Variants in WASHC2A observed in about 807,000 individuals in gnomAD.
The protein encoded by WASHC2A is WASH complex subunit FAM21A.
A neutral mutation model predicts 140.3 loss-of-function variants in WASHC2A; 82 were observed. The ratio of observed to expected loss-of-function variants is 0.58; its 90% CI spans 0.49 to 0.70. WASHC2A has a LOEUF of 0.70. Among genes scored for constraint, WASHC2A ranks in the 30% least tolerant of loss-of-function variants. The pLI is 0.00. For synonymous variants in WASHC2A, 340 were observed against 560.8 expected, an observed-to-expected ratio of 0.61 and a Z score of 5.56; for missense variants, 985 against 1,521.8, an observed-to-expected ratio of 0.65 and a Z score of 5.87.
intron 3 of WASHC2A, among the ~76,000 whole-genome samples, chr10:50,071,524 C>T (rs1359568308): frequency 1.3e-5 from 2 of 152,056 alleles, no homozygotes; most frequent in East Asian, 3.9e-4. Context: ...CCAGGATGAT[C>T]TCGATCTCCT....
rs534203434 is a variant in WASHC2A, at chr10:50,117,660, G to A, written c.2143-246G>A. ...AAGGATCTGAGGGAGGGAGGCATGG[G>A]GGTTGACAGACACAAGTAGACAGAT... On this transcript the variant is annotated intron_variant, in intron 21 of 30. Transcript: ENST00000282633. Among the ~76,000 whole-genome samples, 230 of 142,202 alleles carry A rather than the reference G, an allele frequency of 1.6e-3. 1 individual carries two copies. The highest frequency in any genetic ancestry group is 5.2e-3 in the African/African-American group (211 of 40,400). 93.3% of individuals were successfully genotyped at this position (142,202 alleles called of 152,430 possible).
intron 30 of WASHC2A, 93 bp from the exon 31 acceptor site, chr10:50,132,713 A>G (rs1238647901): frequency 1.9e-6 from 3 of 1,611,198 alleles, no homozygotes; most frequent in Non-Finnish European, 2.5e-6. Flanking sequence ...TGCTGTTACC[A>G]GAGCTGGGTC....
intron 26 of WASHC2A, 75 bp downstream of exon 26, chr10:50,126,254 C>T: frequency 6.2e-7 from 1 of 1,610,156 alleles, no homozygotes; most frequent in Admixed American, 1.7e-5. Context: ...TGCAGACCCA[C>T]AGTTATTCAG....
chr10:50,116,017 G>C, intron 21 of WASHC2A, among the ~76,000 whole-genome samples: 1 of 146,202 alleles, frequency 6.8e-6, no homozygotes. Flanking sequence ...TAGGGAGGCT[G>C]GGGCAGGAGA....
At chr10:50,114,219 G>A (rs190088331) in intron 21 of WASHC2A, among the ~76,000 whole-genome samples, 5,713 of 92,898 alleles carry the variant, frequency 0.061, 1,455 homozygotes, top group African/African-American at 0.11. Context: ...ACAAGGAACT[G>A]GGTCTCAGAA....
At chr10:50,081,813 A>G (rs1216244904) in intron 5 of WASHC2A, among the ~76,000 whole-genome samples, 1 of 151,748 alleles carries the variant, frequency 6.6e-6, no homozygotes, top group Non-Finnish European at 1.5e-5. Flanking sequence ...TTGTATTTTT[A>G]GTATAGACAG....
chr10:50,124,810 A>AT (rs1369308503), intron 23 of WASHC2A, among the ~76,000 whole-genome samples: 1 of 151,458 alleles, frequency 6.6e-6, no homozygotes, highest in Non-Finnish European at 1.5e-5. Context: ...AAAAATTTAG[A>AT]TACTATACAA....
intron 17 of WASHC2A, among the ~76,000 whole-genome samples, chr10:50,103,723 A>G (rs1434439553): frequency 7.9e-5 from 12 of 152,124 alleles, no homozygotes; most frequent in African/African-American, 2.9e-4. Context: ...TTATATATTT[A>G]TTTTTTTAGC....
rs1163198763 is a variant in WASHC2A, at chr10:50,090,135, A to G, written c.733-641A>G. On this transcript the variant is annotated intron_variant, in intron 8 of 30. Transcript: ENST00000282633. ...CAAAAATAAATAAATAAATAAAAAT[A>G]TTTCTCTAGTAAGCCATTTTTGATA... Among the ~76,000 whole-genome samples the G allele has an allele frequency of 2.6e-3, 398 of 151,882 alleles. 4 individuals are homozygous for G. Among genetic ancestry groups the G allele is most frequent in the African/African-American group, 9.4e-3 (388 of 41,412 alleles).
intron 23 of WASHC2A, among the ~76,000 whole-genome samples, chr10:50,121,600 G>T (rs1843026389): frequency 6.7e-6 from 1 of 150,066 alleles, no homozygotes; most frequent in Non-Finnish European, 1.5e-5. Flanking sequence ...CACCGTGTTG[G>T]CCACGCTGAC....
chr10:50,095,812 G>T (rs1400177801), intron 15 of WASHC2A, 34 bp downstream of exon 15: 1 of 1,572,882 alleles, frequency 6.4e-7, no homozygotes. Context: ...TAGGACTTCA[G>T]CCAGAAAAAG....
At position 50,087,299 on chromosome 10, in the gene WASHC2A, C is replaced by T; in HGVS notation, c.709C>T (p.His237Tyr). ...GGAGTCAGATGAAGATTTTGCCCAT[C>T]ATAGTGACAATGAACAAAACCGGGT... ...EEESDEDFAH[H>Y]SDNEQNRHTT... Residue 237 changes from histidine to tyrosine, a missense_variant, in exon 8 of 31, where the codon CAT (histidine) becomes TAT (tyrosine). Physicochemically the swap from His to Tyr is moderately conservative, Grantham distance 83 (BLOSUM62 2). Transcript: ENST00000282633. 1 of 1,613,912 alleles carries T rather than the reference C, an allele frequency of 6.2e-7. No individual in the cohort carries two copies.
At chr10:50,100,314 T>A (rs1359154462) in intron 17 of WASHC2A, among the ~76,000 whole-genome samples, 1 of 151,662 alleles carries the variant, frequency 6.6e-6, no homozygotes, top group Non-Finnish European at 1.5e-5. Context: ...AAACCCAGTC[T>A]CTATTAAAAA....
intron 14 of WASHC2A, 90 bp downstream of exon 14, chr10:50,095,297 T>G: frequency 8.7e-7 from 1 of 1,152,890 alleles, no homozygotes; most frequent in Non-Finnish European, 1.2e-6. Flanking sequence ...TGGCTGGAGA[T>G]GAGGAAGTAC....
intron 23 of WASHC2A, among the ~76,000 whole-genome samples, chr10:50,124,604 G>T (rs1429030281): frequency 6.6e-6 from 1 of 152,162 alleles, no homozygotes; most frequent in Admixed American, 6.5e-5. Flanking sequence ...GCTTGTGGTC[G>T]CACCTGTGCC....
chr10:50,104,064 CGAGT>C lies in WASHC2A; in HGVS notation c.1659_1662del (p.Lys555Ter). 1 of 1,510,788 alleles carries C rather than the reference CGAGT, an allele frequency of 6.6e-7. No individual in the cohort carries two copies. The highest frequency in any genetic ancestry group is 1.1e-5 in the South Asian group (1 of 88,424). 93.6% of individuals were successfully genotyped at this position (1,510,788 alleles called of 1,614,324 possible). A position where few individuals can be genotyped will look rare whatever the true frequency, so the allele number is the denominator to read the frequency against. On this transcript the variant is annotated frameshift_variant, in exon 18 of 31. Coordinates refer to ENST00000282633, the MANE Select transcript of WASHC2A (RefSeq NM_001005751.3). LOFTEE classifies it high-confidence loss of function. ...CAGGATTTGTTTTCTTCTCAAAGTGCGAGTAAGTTAAAAGGTGCGTCTCTGCTGC... is the reference window on the plus strand; with the variant it reads ...CAGGATTTGTTTTCTTCTCAAAGTGCAAGTTAAAAGGTGCGTCTCTGCTGC...
chr10:50,069,651 T>C lies in WASHC2A; in HGVS notation c.231T>C (p.Cys77=), dbSNP rs1554875544. 6 of 1,614,024 alleles carry C rather than the reference T, an allele frequency of 3.7e-6. No individual in the cohort carries two copies. The Admixed American group carries it at 6.7e-5, about 18-fold the overall frequency. Residue 77 remains cysteine, a synonymous_variant, in exon 3 of 31, where the codon TGT becomes TGC. Coordinates refer to ENST00000282633, the MANE Select transcript of WASHC2A (RefSeq NM_001005751.3). ...GLIRETKATD[C]RLHNVFNDFL... The stretch of plus-strand genomic sequence containing the variant: ...TTCGGGAAACCAAAGCCACAGATTG[T>C]CGCCTGCATAATGTCTTCAATGACT...
chr10:50,086,171 C>T (rs1328403828), intron 7 of WASHC2A, among the ~76,000 whole-genome samples: 2 of 151,404 alleles, frequency 1.3e-5, no homozygotes, highest in Admixed American at 6.6e-5. Flanking sequence ...ATGGGATTTC[C>T]GAAAGGAGAC....
chr10:50,088,220 G>A (rs1344603896), intron 8 of WASHC2A, among the ~76,000 whole-genome samples: 28,637 of 127,692 alleles, frequency 0.22, 4,261 homozygotes, highest in Middle Eastern at 0.33. Context: ...TAAGGGAAAG[G>A]GTTTATTTCT....
Sources: gnomAD v4.1 joint callset for allele counts (sites outside exome capture counted in the v4.1 genomes callset) on GRCh38, gnomAD v4.1.1 for gene constraint, MANE v1.5 for transcripts, NCBI Gene and HGNC (gene_info 2026-07-23, HGNC 2026-07-21) for gene names.